Variants in ARFGEF2 observed in about 807,000 individuals in gnomAD.
ARFGEF2 encodes ARF guanine nucleotide exchange factor 2.
In ARFGEF2, 74 loss-of-function variants were observed where a neutral mutation model predicts 219.9. The ratio of observed to expected loss-of-function variants is 0.34; its 90% CI spans 0.28 to 0.41. The LOEUF is 0.41. ARFGEF2 is among the 10% of genes least tolerant of loss of function. The pLI is 1.00. For missense variants in ARFGEF2, 1,743 were observed against 2,218.3 expected, an observed-to-expected ratio of 0.79 and a Z score of 4.30; for synonymous variants, 733 against 799.2, an observed-to-expected ratio of 0.92 and a Z score of 1.40.
At position 48,931,403 on chromosome 20, in the gene ARFGEF2, G is replaced by A. The variant is rs572011743; in HGVS notation, c.121+9393G>A. ...ATTCTCAGTACTTGGGAATTCAGCAGTGAACAGAACAGGCAAAGTGTCTGT... is the reference window on the plus strand; with the variant it reads ...ATTCTCAGTACTTGGGAATTCAGCAATGAACAGAACAGGCAAAGTGTCTGT... On this transcript the variant is annotated intron_variant, in intron 1 of 38. Coordinates refer to ENST00000371917, the MANE Select transcript of ARFGEF2 (RefSeq NM_006420.3). 4.9e-4 allele frequency among the ~76,000 whole-genome samples: 74 copies of A among 152,308 alleles called. 1 individual carries two copies. Among genetic ancestry groups the A allele is most frequent in the African/African-American group, 1.6e-3 (68 of 41,564 alleles).
At chr20:48,927,212 A>G (rs1284091750) in intron 1 of ARFGEF2, among the ~76,000 whole-genome samples, 2 of 152,200 alleles carry the variant, frequency 1.3e-5, no homozygotes, top group Non-Finnish European at 2.9e-5. Flanking sequence ...TCTTAGTTGT[A>G]TATGAATGTG....
intron 27 of ARFGEF2, among the ~76,000 whole-genome samples, chr20:49,011,165 G>A (rs1012380182): frequency 2.2e-4 from 34 of 152,078 alleles, no homozygotes; most frequent in African/African-American, 8.2e-4. Flanking sequence ...CTGTGAGTTC[G>A]GTGTTAATGA....
At chr20:48,979,915 T>C (rs181610566) in intron 14 of ARFGEF2, among the ~76,000 whole-genome samples, 2 of 151,294 alleles carry the variant, frequency 1.3e-5, no homozygotes, top group African/African-American at 2.4e-5. Flanking sequence ...TTGTTGATCT[T>C]TTTTAAAAAA....
At chr20:49,011,687 T>C (rs1444249586) in intron 27 of ARFGEF2, among the ~76,000 whole-genome samples, 4 of 152,264 alleles carry the variant, frequency 2.6e-5, no homozygotes, top group East Asian at 1.9e-4. Context: ...TTTGGGCCTT[T>C]ACATCATTGC....
intron 7 of ARFGEF2, among the ~76,000 whole-genome samples, chr20:48,964,430 TG>T (rs1317142336): frequency 6.6e-6 from 1 of 152,126 alleles, no homozygotes; most frequent in Non-Finnish European, 1.5e-5. Context: ...AGTCTGACTG[TG>T]TTAGGCTTAG....
chr20:48,994,628 C>T (rs769701564), intron 22 of ARFGEF2, 30 bp downstream of exon 22: 1 of 1,611,810 alleles, frequency 6.2e-7, no homozygotes, highest in South Asian at 1.1e-5. Flanking sequence ...AGCTAACAGT[C>T]ACGGATTTGC....
intron 37 of ARFGEF2, among the ~76,000 whole-genome samples, chr20:49,030,726 C>T (rs981617871): frequency 6.6e-6 from 1 of 152,078 alleles, no homozygotes; most frequent in Admixed American, 6.6e-5. Context: ...GGGCCGGGCG[C>T]GGTGGGTCAC....
At position 48,965,900 on chromosome 20, in the gene ARFGEF2, A is replaced by G. The variant is rs1005472385; in HGVS notation, c.936A>G (p.Glu312=). The change falls in exon 8 of 39, where the codon GAA becomes GAG. Residue 312 remains glutamate, a synonymous_variant. Coordinates refer to ENST00000371917, the MANE Select transcript of ARFGEF2 (RefSeq NM_006420.3). ...CAGCGGAAAAGCATGGTCTGACAGAACCTGAGAGAGTTCTAGGTGAACTGG... is the reference window on the plus strand; with the variant it reads ...CAGCGGAAAAGCATGGTCTGACAGAGCCTGAGAGAGTTCTAGGTGAACTGG... ...KEAAEKHGLT[E]PERVLGELEC... 6.2e-7 allele frequency: 1 copy of G among 1,614,174 alleles called. No homozygotes were observed. Among genetic ancestry groups the G allele is most frequent in the South Asian group, 1.1e-5 (1 of 91,084 alleles).
In ARFGEF2 at chr20:48,973,268, G is replaced by A; in HGVS notation, c.1649G>A (p.Gly550Glu). Residue 550 changes from glycine (G) to glutamate (E), a missense_variant, in exon 12 of 39, where the codon GGA becomes GAA. Coordinates refer to ENST00000371917, the MANE Select transcript of ARFGEF2 (RefSeq NM_006420.3). ...CAGGGAAGAAGTGGACATGAGCTGG[G>A]AATGACACCTCTGCAGGTAAAAACA... Reference protein sequence around the residue: ...IAQGRSGHELGMTPLQELSLR... With the variant: ...IAQGRSGHELEMTPLQELSLR... 6.2e-7 allele frequency: 1 copy of A among 1,614,138 alleles called. No homozygotes were observed. Among genetic ancestry groups the A allele is most frequent in the Non-Finnish European group, 8.5e-7 (1 of 1,180,022 alleles).
chr20:48,954,191 C>T (rs745794108), intron 6 of ARFGEF2, among the ~76,000 whole-genome samples: 2 of 152,118 alleles, frequency 1.3e-5, no homozygotes, highest in Non-Finnish European at 2.9e-5. Context: ...TAGCAGTAGC[C>T]ACTCATAGAT....
At chr20:48,935,010 G>T (rs1417330750) in intron 1 of ARFGEF2, among the ~76,000 whole-genome samples, 1 of 152,126 alleles carries the variant, frequency 6.6e-6, no homozygotes, top group Non-Finnish European at 1.5e-5. Flanking sequence ...ATCCTCTCCA[G>T]CATCTGTTGT....
intron 21 of ARFGEF2, among the ~76,000 whole-genome samples, chr20:48,993,658 C>T (rs1468659013): frequency 6.6e-6 from 1 of 152,120 alleles, no homozygotes; most frequent in Non-Finnish European, 1.5e-5. Flanking sequence ...CCAGTGTTTC[C>T]TCTGACAGAA....
At chr20:48,985,357 G>A (rs558534747) in intron 15 of ARFGEF2, 51 bp from the exon 16 acceptor site, 1 of 1,596,970 alleles carries the variant, frequency 6.3e-7, no homozygotes, top group South Asian at 1.1e-5. Context: ...GGCTTTTGCT[G>A]AGGGTTCGTA....
rs7272109 is a variant in ARFGEF2 at position 49,005,945 on chromosome 20, C to T, written c.3584+724C>T. On this transcript the variant is annotated intron_variant, in intron 26 of 38. Transcript: ENST00000371917. ...CAGCCGTACTGTTCATTTATTCACT[C>T]GGCCTGGACTTATTGAGACTTGCCA... is the stretch of plus-strand genomic sequence containing the variant. Among the ~76,000 whole-genome samples the T allele has an allele frequency of 5.3e-5, 8 of 151,914 alleles. No individual in the cohort carries two copies. In the South Asian group the frequency reaches 6.2e-4, roughly 12 times the overall value.
chr20:48,960,654 T>G (rs1225850884), intron 6 of ARFGEF2, among the ~76,000 whole-genome samples: 1 of 151,554 alleles, frequency 6.6e-6, no homozygotes, highest in Non-Finnish European at 1.5e-5. Flanking sequence ...TGGCTAATTT[T>G]TGTATTTTTG....
chr20:49,018,785 T>C, intron 33 of ARFGEF2, 99 bp from the exon 34 acceptor site: 1 of 928,276 alleles, frequency 1.1e-6, no homozygotes, highest in Non-Finnish European at 1.8e-6. Flanking sequence ...GCAAGGCACT[T>C]AAATACAGGC....
At chr20:48,962,213 C>A (rs529247128) in intron 6 of ARFGEF2, among the ~76,000 whole-genome samples, 95 of 152,234 alleles carry the variant, frequency 6.2e-4, no homozygotes, top group African/African-American at 2.1e-3. Context: ...AAATAACAAA[C>A]TAATAACATA....
intron 18 of ARFGEF2, 79 bp downstream of exon 18, chr20:48,988,741 T>G: frequency 7.6e-7 from 1 of 1,310,254 alleles, no homozygotes; most frequent in South Asian, 1.2e-5. Flanking sequence ...ACTCTGGTGA[T>G]AAATTTAATG....
intron 6 of ARFGEF2, among the ~76,000 whole-genome samples, chr20:48,962,727 C>G (rs1029951909): frequency 1.3e-5 from 2 of 152,068 alleles, no homozygotes; most frequent in Admixed American, 6.6e-5. Flanking sequence ...GTAGATAGTT[C>G]CAGAGTGTTA....
Sources: allele counts gnomAD v4.1 joint callset (sites outside exome capture counted in the v4.1 genomes callset), GRCh38; gene constraint gnomAD v4.1.1; transcripts MANE v1.5; gene names NCBI Gene and HGNC (gene_info 2026-07-23, HGNC 2026-07-21).